Variants in ZNF469 observed in about 807,000 individuals in gnomAD.
ZNF469 encodes the protein zinc finger protein 469.
ZNF469 carries 1 observed loss-of-function variant against 1.0 expected under a neutral mutation model. The ratio of observed to expected loss-of-function variants is 1.00; its 90% CI spans 0.35 to 4.73. ZNF469 has a LOEUF of 4.73. ZNF469 is among the 30% of genes most tolerant of loss of function. ZNF469 has a pLI of 0.16. For synonymous variants in ZNF469, 2,703 were observed against 2,363.4 expected, an observed-to-expected ratio of 1.14 and a Z score of -4.17; for missense variants, 6,100 against 5,356.3, an observed-to-expected ratio of 1.14 and a Z score of -4.33.
the ZNF469 span, among the ~76,000 whole-genome samples, chr16:88,251,544 T>G: frequency 4.6e-5 from 1 of 21,734 alleles, no homozygotes; most frequent in Non-Finnish European, 1.0e-4. Context: ...CTGTCTTTTT[T>G]TTTTTTTTTT....
At chr16:88,401,551 ATGCATGGG>A (rs1381620163) in intron 1 of ZNF469, among the ~76,000 whole-genome samples, 107 of 150,724 alleles carry the variant, frequency 7.1e-4, no homozygotes, top group South Asian at 8.5e-4. Context: ...GGATGGATGG[ATGCATGGG>A]TGGATGGATG....
chr16:88,111,133 A>T, the ZNF469 span, among the ~76,000 whole-genome samples: 2 of 152,204 alleles, frequency 1.3e-5, no homozygotes, highest in East Asian at 1.9e-4. Flanking sequence ...GCCCCATGTC[A>T]AACCATTTCC....
chr16:88,322,592 G>C, the ZNF469 span, among the ~76,000 whole-genome samples: 1 of 152,234 alleles, frequency 6.6e-6, no homozygotes, highest in Non-Finnish European at 1.5e-5. Context: ...GACTGACGAG[G>C]AGGGTTTGTG....
the ZNF469 span, among the ~76,000 whole-genome samples, chr16:88,336,595 C>T: frequency 6.6e-6 from 1 of 151,368 alleles, no homozygotes; most frequent in Non-Finnish European, 1.5e-5. Flanking sequence ...GACATGCCAA[C>T]ACCACACATG....
the ZNF469 span, among the ~76,000 whole-genome samples, chr16:88,332,699 G>C: frequency 6.6e-6 from 1 of 152,216 alleles, no homozygotes; most frequent in African/African-American, 2.4e-5. Flanking sequence ...CCCGTGGGTT[G>C]AGATGGGCAG....
At chr16:88,419,644 C>T (rs904647329) in intron 1 of ZNF469, among the ~76,000 whole-genome samples, 2 of 152,190 alleles carry the variant, frequency 1.3e-5, no homozygotes, top group Admixed American at 6.5e-5. Flanking sequence ...GCTGGTCCCA[C>T]CCCTTGAAGC....
the ZNF469 span, among the ~76,000 whole-genome samples, chr16:88,352,941 G>C: frequency 2.0e-5 from 3 of 152,328 alleles, no homozygotes; most frequent in South Asian, 2.1e-4. Context: ...TGGGGGCAGA[G>C]AGCCAGGCCC....
At chr16:88,158,250 G>C in the ZNF469 span, among the ~76,000 whole-genome samples, 4,632 of 151,964 alleles carry the variant, frequency 0.03, 218 homozygotes, top group African/African-American at 0.1. Context: ...CGGGAGATGG[G>C]AGGTGGGGGC....
chr16:88,346,361 C>A, the ZNF469 span, among the ~76,000 whole-genome samples: 1 of 152,226 alleles, frequency 6.6e-6, no homozygotes, highest in Non-Finnish European at 1.5e-5. Flanking sequence ...AAAACAGACC[C>A]CGGCTCCTGG....
At chr16:88,244,868 A>G in the ZNF469 span, among the ~76,000 whole-genome samples, 1 of 150,684 alleles carries the variant, frequency 6.6e-6, no homozygotes, top group Non-Finnish European at 1.5e-5. Flanking sequence ...AGAAAAACTT[A>G]TGGTCCCCAG....
chr16:88,193,266 A>C, the ZNF469 span, among the ~76,000 whole-genome samples: 1 of 33,756 alleles, frequency 3.0e-5, no homozygotes, highest in Non-Finnish European at 6.3e-5. Context: ...TGATGGTGGT[A>C]GTGGTGATGG....
the ZNF469 span, among the ~76,000 whole-genome samples, chr16:88,246,060 G>A: frequency 6.6e-6 from 1 of 152,262 alleles, no homozygotes; most frequent in African/African-American, 2.4e-5. Flanking sequence ...TGCTCAAAGG[G>A]CTTCCCTCAT....
chr16:88,369,616 A>C, the ZNF469 span, among the ~76,000 whole-genome samples: 171 of 152,336 alleles, frequency 1.1e-3, no homozygotes, highest in African/African-American at 3.8e-3. Flanking sequence ...TAATGTCATG[A>C]GTCAGGTTCA....
chr16:88,431,390 G>A lies in ZNF469; in HGVS notation c.3920G>A (p.Gly1307Asp), dbSNP rs551317630. The A allele has an allele frequency of 1.3e-4, 194 of 1,550,112 alleles. 4 individuals are homozygous for A. The East Asian group carries it at 4.5e-3, about 36-fold the overall frequency. Residue 1307 changes from glycine (G) to aspartate (D), a missense_variant, in exon 3 of 3, where the codon GGC becomes GAC. By Grantham distance (94) the Gly-to-Asp change is moderately conservative. Coordinates refer to ENST00000565624, the MANE Select transcript of ZNF469 (RefSeq NM_001367624.2). Reference sequence around the variant, plus strand: ...GGCAGCCTGCTGGGTGGTCCTGGGGGCACACAGGCCCCAGTCTCCCACAAC... The same window carrying A: ...GGCAGCCTGCTGGGTGGTCCTGGGGACACACAGGCCCCAGTCTCCCACAAC... ...GVGSLLGGPG[G>D]TQAPVSHNSK...
At chr16:88,283,572 A>G in the ZNF469 span, among the ~76,000 whole-genome samples, 1 of 152,306 alleles carries the variant, frequency 6.6e-6, no homozygotes, top group Middle Eastern at 3.4e-3. Flanking sequence ...TCCCAATAAA[A>G]TGCTGGGAAA....
chr16:88,360,384 G>A, the ZNF469 span, among the ~76,000 whole-genome samples: 1 of 152,122 alleles, frequency 6.6e-6, no homozygotes, highest in African/African-American at 2.4e-5. Context: ...CATTCAGTGA[G>A]GTCCAATAAA....
chr16:88,376,684 C>T, the ZNF469 span, among the ~76,000 whole-genome samples: 1 of 152,256 alleles, frequency 6.6e-6, no homozygotes, highest in Non-Finnish European at 1.5e-5. Flanking sequence ...AGAGCAGCTG[C>T]CCACGGCCCC....
upstream of ZNF469, among the ~76,000 whole-genome samples, chr16:88,378,777 A>G (rs1405604583): frequency 6.6e-6 from 1 of 152,172 alleles, no homozygotes; most frequent in East Asian, 1.9e-4. Context: ...TCCCCTATCT[A>G]GCAAATGGGA....
intron 1 of ZNF469, among the ~76,000 whole-genome samples, chr16:88,399,904 T>C (rs998119936): frequency 1.3e-5 from 2 of 152,154 alleles, no homozygotes; most frequent in Non-Finnish European, 2.9e-5. Flanking sequence ...TGGGGCCACC[T>C]CAGGAGAAGC....
Sources: allele counts gnomAD v4.1 joint callset (sites outside exome capture counted in the v4.1 genomes callset), GRCh38; gene constraint gnomAD v4.1.1; transcripts MANE v1.5; gene names NCBI Gene and HGNC (gene_info 2026-07-23, HGNC 2026-07-21).